HTR1F: variants seen among roughly 807,000 people sequenced by gnomAD.
The protein encoded by HTR1F is 5-hydroxytryptamine receptor 1F.
In HTR1F, 17 loss-of-function variants were observed where a neutral mutation model predicts 24.0. That is an observed-to-expected ratio of 0.71 (90% CI 0.48 to 1.06). The LOEUF (loss-of-function observed/expected upper bound fraction) is 1.06, where lower values mean the gene tolerates loss of function less well. HTR1F is among the 50% of genes least tolerant of loss of function. The pLI is 0.00. For missense variants in HTR1F, 391 were observed against 427.8 expected (o/e 0.91, Z 0.76); for synonymous variants, 186 against 156.8 (o/e 1.19, Z -1.39).
intron 2 of HTR1F, among the ~76,000 whole-genome samples, chr3:87,860,793 A>C (rs1333588671): frequency 6.6e-6 from 1 of 152,198 alleles, no homozygotes; most frequent in East Asian, 1.9e-4. Context: ...ACTCATTGTT[A>C]GTAAGTGAGA....
At chr3:87,799,301 A>C (rs1703957053) in intron 1 of HTR1F, among the ~76,000 whole-genome samples, 1 of 152,192 alleles carries the variant, frequency 6.6e-6, no homozygotes, top group Non-Finnish European at 1.5e-5. Flanking sequence ...GTCGTTATAC[A>C]TACTGCCTTC....
chr3:87,945,389 C>T (rs1704673307), intron 2 of HTR1F, among the ~76,000 whole-genome samples: 1 of 152,220 alleles, frequency 6.6e-6, no homozygotes, highest in East Asian at 1.9e-4. Flanking sequence ...AGGCAGGGAT[C>T]AGAGGAAGTC....
intron 2 of HTR1F, among the ~76,000 whole-genome samples, chr3:87,970,519 T>C (rs1461219576): frequency 6.6e-6 from 1 of 152,194 alleles, no homozygotes; most frequent in Non-Finnish European, 1.5e-5. Context: ...AGGGAATAGC[T>C]GGAGCTATTC....
intron 2 of HTR1F, among the ~76,000 whole-genome samples, chr3:87,963,325 C>T (rs1412875118): frequency 6.6e-6 from 1 of 152,036 alleles, no homozygotes; most frequent in Non-Finnish European, 1.5e-5. Context: ...AAAAGTATTG[C>T]ACTATCAGTA....
chr3:87,813,014 T>G (rs78966090), intron 1 of HTR1F, among the ~76,000 whole-genome samples: 2 of 152,192 alleles, frequency 1.3e-5, no homozygotes, highest in African/African-American at 2.4e-5. Context: ...AGGGCCCTCA[T>G]GGAGAATCTT....
intron 2 of HTR1F, among the ~76,000 whole-genome samples, chr3:87,892,355 A>C (rs1467835458): frequency 6.6e-6 from 1 of 152,118 alleles, no homozygotes; most frequent in East Asian, 1.9e-4. Flanking sequence ...TCTTTCATTT[A>C]ACATTTTTAT....
At chr3:87,814,080 G>C (rs1704206819) in intron 1 of HTR1F, among the ~76,000 whole-genome samples, 1 of 152,106 alleles carries the variant, frequency 6.6e-6, no homozygotes, top group Non-Finnish European at 1.5e-5. Context: ...AATTGGTAAA[G>C]GTAAAGGGTG....
At chr3:87,926,626 G>A (rs996276118) in intron 2 of HTR1F, among the ~76,000 whole-genome samples, 3 of 152,052 alleles carry the variant, frequency 2.0e-5, no homozygotes, top group East Asian at 1.9e-4. Context: ...CTTTTAGTCC[G>A]TGGGAAAAAT....
intron 2 of HTR1F, among the ~76,000 whole-genome samples, chr3:87,871,069 C>T (rs1705544783): frequency 6.7e-6 from 1 of 149,364 alleles, no homozygotes; most frequent in African/African-American, 2.5e-5. Context: ...GAAACCAGCA[C>T]TAAAAATGGA....
At chr3:87,792,888 C>T (rs1037895579) in intron 1 of HTR1F, among the ~76,000 whole-genome samples, 46 bp downstream of exon 1, 8 of 152,158 alleles carry the variant, frequency 5.3e-5, no homozygotes, top group African/African-American at 1.7e-4. Flanking sequence ...GGGTCACGCC[C>T]GCAGCTGGCG....
rs199538588 is a variant in HTR1F at position 87,823,516 on chromosome 3, A to ATTTT, written c.-43+1405_-43+1408dup. On this transcript the variant is annotated intron_variant, in intron 2 of 2. Coordinates refer to ENST00000319595, the MANE Select transcript of HTR1F (RefSeq NM_001322209.2). Reference sequence around the variant, plus strand: ...CTCAGGTTTTCTCAACTGGTCCCATATTTTTTTTTTTTTTTTGAGACACGG... The same window carrying ATTTT: ...CTCAGGTTTTCTCAACTGGTCCCATATTTTTTTTTTTTTTTTTTTTGAGACACGG... Among the ~76,000 whole-genome samples, 1,341 of 139,326 alleles carry ATTTT rather than the reference A, an allele frequency of 9.6e-3. 25 individuals are homozygous for ATTTT. Among genetic ancestry groups the ATTTT allele is most frequent in the African/African-American group, 0.033 (1,242 of 37,828 alleles). The allele number at this position is 139,326 out of a possible 152,430, so 91.4% of individuals were successfully genotyped here.
In HTR1F at chr3:87,795,517, G is replaced by T. The variant is rs538833672; in HGVS notation, c.-160+2675G>T. ...TTCCAATATGAAAGGTGGACGGGAT[G>T]CTGTTTGAGGCAGGGTAAACAAGAT... On this transcript the variant is annotated intron_variant, in intron 1 of 2. Coordinates refer to ENST00000319595, the MANE Select transcript of HTR1F (RefSeq NM_001322209.2). Among the ~76,000 whole-genome samples, 10 of 152,280 alleles carry T rather than the reference G, an allele frequency of 6.6e-5. No homozygotes were observed. The East Asian group carries it at 1.9e-3, about 29-fold the overall frequency.
intron 2 of HTR1F, among the ~76,000 whole-genome samples, chr3:87,932,687 G>T (rs1363111656): frequency 6.6e-6 from 1 of 151,862 alleles, no homozygotes; most frequent in African/African-American, 2.4e-5. Context: ...CTAATAACAG[G>T]ATCTGAAATT....
At chr3:87,934,669 C>T (rs139084224) in intron 2 of HTR1F, among the ~76,000 whole-genome samples, 144 of 152,262 alleles carry the variant, frequency 9.5e-4, no homozygotes, top group African/African-American at 3.2e-3. Context: ...TCAACAATCA[C>T]TTCCAGGCAA....
At chr3:87,799,398 T>C (rs1703958945) in intron 1 of HTR1F, among the ~76,000 whole-genome samples, 1 of 152,130 alleles carries the variant, frequency 6.6e-6, no homozygotes, top group Admixed American at 6.6e-5. Flanking sequence ...TAGCAATAAA[T>C]AAAAATAAAA....
At chr3:87,843,812 A>G (rs1244494747) in intron 2 of HTR1F, among the ~76,000 whole-genome samples, 1 of 151,662 alleles carries the variant, frequency 6.6e-6, no homozygotes, top group African/African-American at 2.4e-5. Context: ...TTTACTGAGA[A>G]TGATGGTTTC....
intron 2 of HTR1F, among the ~76,000 whole-genome samples, chr3:87,894,433 T>C (rs2107312693): frequency 6.6e-6 from 1 of 152,162 alleles, no homozygotes; most frequent in East Asian, 1.9e-4. Flanking sequence ...ATTTTTGTAT[T>C]TTCTTACAGA....
intron 2 of HTR1F, among the ~76,000 whole-genome samples, chr3:87,915,288 A>C (rs1244061506): frequency 2.0e-5 from 3 of 152,114 alleles, no homozygotes; most frequent in Admixed American, 1.3e-4. Context: ...ATGACAAAAC[A>C]AGGTTCTATA....
At chr3:87,944,769 A>G (rs2107448007) in intron 2 of HTR1F, among the ~76,000 whole-genome samples, 1 of 152,286 alleles carries the variant, frequency 6.6e-6, no homozygotes, top group South Asian at 2.1e-4. Context: ...TTACTTCTCT[A>G]CTTTCTTCTG....
Sources: gnomAD v4.1 joint callset for allele counts (sites outside exome capture counted in the v4.1 genomes callset) on GRCh38, gnomAD v4.1.1 for gene constraint, MANE v1.5 for transcripts, NCBI Gene and HGNC (gene_info 2026-07-23, HGNC 2026-07-21) for gene names.